FARS2: variants seen among roughly 807,000 people sequenced by gnomAD.
FARS2 encodes phenylalanine--tRNA ligase, mitochondrial.
In FARS2, 40 loss-of-function variants were observed where a neutral mutation model predicts 46.4. That is an observed-to-expected ratio of 0.86 (90% CI 0.67 to 1.12). The LOEUF is 1.12. Among genes scored for constraint, FARS2 ranks in the 50% most tolerant of loss-of-function variants. The pLI, the probability that FARS2 is intolerant of heterozygous loss-of-function variation, is 0.00. For synonymous variants in FARS2, 234 were observed against 214.9 expected, an observed-to-expected ratio of 1.09 and a Z score of -0.78; for missense variants, 513 against 567.9, an observed-to-expected ratio of 0.90 and a Z score of 0.98.
intron 1 of FARS2, among the ~76,000 whole-genome samples, chr6:5,290,813 T>C (rs1767449690): frequency 6.6e-6 from 1 of 152,298 alleles, no homozygotes; most frequent in African/African-American, 2.4e-5. Flanking sequence ...CTCCACCTCC[T>C]TCCAGCCTTC....
chr6:5,532,755 G>GTAA (rs1288896753), intron 4 of FARS2, among the ~76,000 whole-genome samples: 3 of 138,340 alleles, frequency 2.2e-5, no homozygotes, highest in Admixed American at 2.1e-4. Flanking sequence ...TGTTTCAAAA[G>GTAA]TAGTAGTAGT....
At chr6:5,525,511 A>G (rs940439369) in intron 4 of FARS2, among the ~76,000 whole-genome samples, 1 of 152,190 alleles carries the variant, frequency 6.6e-6, no homozygotes, top group African/African-American at 2.4e-5. Context: ...ACATGCCTCT[A>G]ATCAACCTCT....
upstream of FARS2, chr6:5,260,516 C>G (rs1250798865): frequency 8.0e-7 from 1 of 1,244,502 alleles, no homozygotes; most frequent in African/African-American, 1.5e-5. Flanking sequence ...GATGGCGGAG[C>G]CCGGTCCTTG....
At chr6:5,744,692 C>A (rs1761540631) in intron 6 of FARS2, among the ~76,000 whole-genome samples, 1 of 152,166 alleles carries the variant, frequency 6.6e-6, no homozygotes, top group Non-Finnish European at 1.5e-5. Flanking sequence ...GGATAAAGGC[C>A]AGAACACAGG....
At chr6:5,676,198 CCA>C (rs1370978197) in intron 6 of FARS2, among the ~76,000 whole-genome samples, 1 of 152,192 alleles carries the variant, frequency 6.6e-6, no homozygotes, top group African/African-American at 2.4e-5. Flanking sequence ...GATGTCAGCT[CCA>C]GTCCTAAAGG....
chr6:5,341,214 T>G (rs1467157132), intron 1 of FARS2, among the ~76,000 whole-genome samples: 3 of 9,216 alleles, frequency 3.3e-4, no homozygotes, highest in African/African-American at 9.6e-4. Context: ...TATATATATA[T>G]ATATATATAT....
chr6:5,422,573 A>G (rs1425518585), intron 3 of FARS2, among the ~76,000 whole-genome samples: 3 of 152,120 alleles, frequency 2.0e-5, no homozygotes, highest in African/African-American at 7.2e-5. Flanking sequence ...TTTACTCTCT[A>G]CTGTAAACTG....
chr6:5,688,677 C>G (rs1162776760), intron 6 of FARS2, among the ~76,000 whole-genome samples: 5 of 152,106 alleles, frequency 3.3e-5, no homozygotes, highest in Admixed American at 2.0e-4. Context: ...TTTGTTGTGT[C>G]TCTGCCAGGC....
At chr6:5,307,992 T>C (rs1489209405) in intron 1 of FARS2, among the ~76,000 whole-genome samples, 1 of 152,150 alleles carries the variant, frequency 6.6e-6, no homozygotes, top group Non-Finnish European at 1.5e-5. Flanking sequence ...TTGGCAACTA[T>C]TTGCAATTTA....
At chr6:5,524,069 C>G (rs1769314254) in intron 4 of FARS2, among the ~76,000 whole-genome samples, 1 of 151,960 alleles carries the variant, frequency 6.6e-6, no homozygotes, top group Non-Finnish European at 1.5e-5. Flanking sequence ...TCTGCCCAGC[C>G]TCTATTCTTT....
chr6:5,730,752 T>C (rs1400155690), intron 6 of FARS2, among the ~76,000 whole-genome samples: 2 of 152,224 alleles, frequency 1.3e-5, no homozygotes, highest in African/African-American at 2.4e-5. Flanking sequence ...TAAATGGTTC[T>C]TTTGGTAGTA....
At chr6:5,338,141 A>G (rs1229783995) in intron 1 of FARS2, among the ~76,000 whole-genome samples, 2 of 152,192 alleles carry the variant, frequency 1.3e-5, no homozygotes, top group Non-Finnish European at 2.9e-5. Flanking sequence ...CAAAAGTAAA[A>G]CCCAACTTTT....
At chr6:5,680,204 A>T (rs970948676) in intron 6 of FARS2, among the ~76,000 whole-genome samples, 1 of 152,180 alleles carries the variant, frequency 6.6e-6, no homozygotes, top group African/African-American at 2.4e-5. Flanking sequence ...GTGTGCTTGG[A>T]CGTTGTGTGA....
chr6:5,412,377 A>C (rs1319155014), intron 3 of FARS2, among the ~76,000 whole-genome samples: 1 of 152,200 alleles, frequency 6.6e-6, no homozygotes, highest in East Asian at 1.9e-4. Flanking sequence ...CATTGGCCTG[A>C]CTGTAGTTCG....
intron 5 of FARS2, among the ~76,000 whole-genome samples, chr6:5,603,131 T>C (rs979167961): frequency 1.3e-5 from 2 of 152,186 alleles, no homozygotes; most frequent in African/African-American, 4.8e-5. Context: ...GGTCTCACTC[T>C]GTTACCTAGG....
intron 5 of FARS2, among the ~76,000 whole-genome samples, chr6:5,598,673 G>A (rs1270755975): frequency 6.6e-6 from 1 of 152,186 alleles, no homozygotes; most frequent in African/African-American, 2.4e-5. Flanking sequence ...AACAGAAACA[G>A]TGTTAATTCT....
chr6:5,290,198 C>T (rs1767405115), intron 1 of FARS2, among the ~76,000 whole-genome samples: 1 of 152,076 alleles, frequency 6.6e-6, no homozygotes, highest in South Asian at 2.1e-4. Flanking sequence ...ACATTTTACC[C>T]CCATTTATCT....
At chr6:5,558,124 A>T (rs1561712035) in intron 5 of FARS2, among the ~76,000 whole-genome samples, 3 of 152,304 alleles carry the variant, frequency 2.0e-5, no homozygotes, top group South Asian at 4.2e-4. Flanking sequence ...GAGTAAGAAT[A>T]ATTAGTTAAG....
At chr6:5,760,671 T>C (rs1246626593) in intron 6 of FARS2, among the ~76,000 whole-genome samples, 1 of 152,250 alleles carries the variant, frequency 6.6e-6, no homozygotes, top group Admixed American at 6.5e-5. Flanking sequence ...CTCTACCGTC[T>C]GTACACGCAG....
Sources: allele counts gnomAD v4.1 joint callset (sites outside exome capture counted in the v4.1 genomes callset), GRCh38; gene constraint gnomAD v4.1.1; transcripts MANE v1.5; gene names NCBI Gene and HGNC (gene_info 2026-07-23, HGNC 2026-07-21).